Variants in ERAP1 observed in about 807,000 individuals in gnomAD.
ERAP1 encodes the protein endoplasmic reticulum aminopeptidase 1.
A neutral mutation model predicts 103.7 loss-of-function variants in ERAP1; 86 were observed. That is an observed-to-expected ratio of 0.83 (90% CI 0.70 to 0.99). The LOEUF (loss-of-function observed/expected upper bound fraction) is 0.99. Among genes scored for constraint, ERAP1 ranks in the 50% least tolerant of loss-of-function variants. The probability of loss-of-function intolerance (pLI) is 0.00; values close to 1 mark genes in which losing one functional copy is unlikely to be tolerated. For synonymous variants in ERAP1, 398 were observed against 402.4 expected, an observed-to-expected ratio of 0.99 and a Z score of 0.13; for missense variants, 1,009 against 1,128.4, an observed-to-expected ratio of 0.89 and a Z score of 1.52.
Position 96,781,116 on chromosome 5 carries a change from C to A in ERAP1, c.2530G>T (p.Val844Leu). 1 of 1,613,754 alleles carries A rather than the reference C, an allele frequency of 6.2e-7. No homozygotes were observed. The highest frequency in any genetic ancestry group is 8.5e-7 in the Non-Finnish European group (1 of 1,179,962). ...AATTGCCAGGCCAGTGGGTATCCTA[C>A]TGGGTTCCTGCCAATGAGTGTAAGA... ...QILTLIGRNP[V>L]GYPLAWQFLR... is the part of the protein sequence containing the mutation. Residue 844 changes from valine to leucine, a missense_variant, in exon 17 of 19, where the codon GTA becomes TTA. Around this residue, in one of 3 missense-constraint regions of ERAP1, gnomAD observed 611 missense variants for 651.7 expected, o/e 0.94. Transcript: ENST00000443439.
In ERAP1 at chr5:96,788,570, T is replaced by A. The variant is rs746146454; in HGVS notation, c.1640A>T (p.Glu547Val). The A allele has an allele frequency of 2.5e-6, 4 of 1,614,212 alleles. No homozygotes were observed. Among genetic ancestry groups the A allele is most frequent in the Non-Finnish European group, 3.4e-6 (4 of 1,180,028 alleles). The change falls in exon 11 of 19, where the codon GAG becomes GTG. Residue 547 changes from glutamate (E) to valine (V), a missense_variant. Physicochemically the swap from Glu to Val is moderately radical, Grantham distance 121. Around this residue, in one of 3 missense-constraint regions of ERAP1, gnomAD observed 611 missense variants for 651.7 expected, o/e 0.94. Transcript: ENST00000443439. ...GCCGTCAGAGCCCTTCATGTAGTGCTCTTGCTTCATGTGTACATTCCTCCC... is the reference window on the plus strand; with the variant it reads ...GCCGTCAGAGCCCTTCATGTAGTGCACTTGCTTCATGTGTACATTCCTCCC... ...VRGRNVHMKQ[E>V]HYMKGSDGAP...
At chr5:96,802,953 T>C (rs1278966660) in intron 2 of ERAP1, among the ~76,000 whole-genome samples, 2 of 151,800 alleles carry the variant, frequency 1.3e-5, no homozygotes, top group Non-Finnish European at 2.9e-5. Flanking sequence ...GCTAGGAAGA[T>C]ATAAGGAAGG....
chr5:96,771,144 G>A (rs921319519), downstream of ERAP1, among the ~76,000 whole-genome samples: 28 of 152,132 alleles, frequency 1.8e-4, no homozygotes, highest in Middle Eastern at 3.2e-3. Flanking sequence ...ATTCCCTTAA[G>A]GGATATAGGA....
chr5:96,886,465 A>G, the ERAP1 span, among the ~76,000 whole-genome samples: 1 of 152,144 alleles, frequency 6.6e-6, no homozygotes, highest in East Asian at 1.9e-4. Context: ...TTTTCAACAG[A>G]GTGTTGGGGT....
chr5:96,905,255 GTAT>G, the ERAP1 span, among the ~76,000 whole-genome samples: 2 of 152,086 alleles, frequency 1.3e-5, no homozygotes, highest in African/African-American at 4.8e-5. Context: ...GTAAGTCTGT[GTAT>G]TATTATGTTT....
intron 19 of ERAP1, chr5:96,767,553 GA>G (rs1770435757): frequency 7.6e-6 from 9 of 1,178,328 alleles, no homozygotes; most frequent in Admixed American, 5.3e-5. Context: ...TGGCATTTTA[GA>G]AAACTAAAAC....
chr5:96,788,835 C>T (rs1581582947), intron 10 of ERAP1, 150 bp from the exon 11 acceptor site: 3 of 892,464 alleles, frequency 3.4e-6, no homozygotes, highest in Non-Finnish European at 5.3e-6. Flanking sequence ...TGTGATGTCC[C>T]CAGCCATCAC....
chr5:96,923,586 T>C, the ERAP1 span, among the ~76,000 whole-genome samples: 2 of 149,818 alleles, frequency 1.3e-5, no homozygotes, highest in African/African-American at 4.9e-5. Flanking sequence ...CCCAGCTATT[T>C]GGGAGGCTGA....
the ERAP1 span, chr5:96,896,625 C>A: frequency 7.0e-7 from 1 of 1,434,042 alleles, no homozygotes; most frequent in Non-Finnish European, 9.3e-7. Context: ...TATTTGTTCA[C>A]TTTTCAGACA....
the ERAP1 span, chr5:96,909,822 G>C: frequency 1.3e-6 from 2 of 1,538,258 alleles, no homozygotes; most frequent in African/African-American, 1.4e-5. Flanking sequence ...AAAAGTCTTT[G>C]ATCAAGCAAG....
chr5:96,776,747 T>C, intron 18 of ERAP1, 196 bp from the exon 19 acceptor site: 1 of 694,718 alleles, frequency 1.4e-6, no homozygotes, highest in East Asian at 2.8e-5. Flanking sequence ...GTTCTGTTTT[T>C]TGTCTGCAGT....
intron 14 of ERAP1, 52 bp downstream of exon 14, chr5:96,783,872 A>AAC (rs1297824183): frequency 3.2e-6 from 4 of 1,268,534 alleles, no homozygotes; most frequent in Non-Finnish European, 4.3e-6. Context: ...CACAATGATT[A>AAC]ACACTTTTTA....
In ERAP1 at chr5:96,762,374, T is replaced by C. The variant is rs767324514; in HGVS notation, c.*826A>G. 6.3e-7 allele frequency: 1 copy of C among 1,581,482 alleles called. No homozygotes were observed. Among genetic ancestry groups the C allele is most frequent in the Non-Finnish European group, 8.6e-7 (1 of 1,167,926 alleles). On this transcript the variant is annotated 3_prime_UTR_variant, in exon 20 of 20. Coordinates refer to the ERAP1 transcript ENST00000296754. The stretch of plus-strand genomic sequence containing the variant: ...GGAGCCCCACCCCGTGATACCTCGG[T>C]AAGCAGCACATCTTATTTGGGAGAT...
At chr5:96,769,970 A>G (rs1771660485), downstream of ERAP1, 1 of 151,916 alleles carries the variant, frequency 6.6e-6, no homozygotes, top group Admixed American at 6.6e-5. Flanking sequence ...TTATCCATTC[A>G]TCAACAACTA....
chr5:96,885,992 G>A, the ERAP1 span, among the ~76,000 whole-genome samples: 1 of 152,222 alleles, frequency 6.6e-6, no homozygotes, highest in African/African-American at 2.4e-5. Context: ...AATCAATGAA[G>A]CAAAGATAAA....
At chr5:96,850,633 C>T in the ERAP1 span, among the ~76,000 whole-genome samples, 2 of 152,186 alleles carry the variant, frequency 1.3e-5, no homozygotes, top group South Asian at 4.1e-4. Context: ...CTTTTGTATG[C>T]TGTTGGTGGA....
At chr5:96,811,942 G>C (rs1430485623), upstream of ERAP1, among the ~76,000 whole-genome samples, 1 of 152,196 alleles carries the variant, frequency 6.6e-6, no homozygotes, top group East Asian at 1.9e-4. Context: ...GTAGGTGACA[G>C]GCCCATCTAA....
chr5:96,771,635 C>T, downstream of ERAP1: 6 of 1,610,246 alleles, frequency 3.7e-6, no homozygotes, highest in Non-Finnish European at 5.1e-6. Flanking sequence ...GTTTTGCTTT[C>T]CCTTTTAGAC....
At chr5:96,783,347 AC>A (rs1451006599) in intron 14 of ERAP1, 112 bp from the exon 15 acceptor site, 18 of 931,750 alleles carry the variant, frequency 1.9e-5, no homozygotes, top group Middle Eastern at 3.4e-4. Context: ...GCATAATCTA[AC>A]TTTTACTGTA....
Sources: gnomAD v4.1 joint callset for allele counts (sites outside exome capture counted in the v4.1 genomes callset) on GRCh38, gnomAD v4.1.1 for gene constraint, gnomAD v4.1.1 regional missense constraint, MANE v1.5 for transcripts, NCBI Gene and HGNC (gene_info 2026-07-23, HGNC 2026-07-21) for gene names.